NAALADL2: variants seen among roughly 807,000 people sequenced by gnomAD.
NAALADL2 encodes inactive N-acetylated-alpha-linked acidic dipeptidase-like protein 2.
In NAALADL2, 76 loss-of-function variants were observed where a neutral mutation model predicts 87.2. The ratio of observed to expected loss-of-function variants is 0.87; its 90% confidence interval spans 0.72 to 1.05. NAALADL2 has a LOEUF of 1.05. Ranked by LOEUF, NAALADL2 falls within the 50% of genes least tolerant of loss-of-function variation. The pLI is 0.00. For missense variants in NAALADL2, 1,089 were observed against 945.8 expected (o/e 1.15, Z -1.99); for synonymous variants, 354 against 331.0 (o/e 1.07, Z -0.75).
At chr3:175,751,177 T>C (rs1026286795) in intron 12 of NAALADL2, among the ~76,000 whole-genome samples, 7 of 152,172 alleles carry the variant, frequency 4.6e-5, no homozygotes, top group Non-Finnish European at 8.8e-5. Flanking sequence ...TCTAAAAGAA[T>C]CCTTTTTAAA....
chr3:175,302,567 GA>G (rs1757214386), intron 4 of NAALADL2, among the ~76,000 whole-genome samples: 1 of 151,986 alleles, frequency 6.6e-6, no homozygotes, highest in African/African-American at 2.4e-5. Context: ...AGACATTCTG[GA>G]AAGGTAAAGA....
At chr3:175,735,262 C>G (rs1272696301) in intron 11 of NAALADL2, among the ~76,000 whole-genome samples, 4 of 152,194 alleles carry the variant, frequency 2.6e-5, no homozygotes, top group African/African-American at 9.7e-5. Context: ...TTCATTTTCT[C>G]TATAATTGTC....
chr3:175,565,984 T>C (rs1333399197), intron 9 of NAALADL2, among the ~76,000 whole-genome samples: 4 of 151,876 alleles, frequency 2.6e-5, no homozygotes, highest in Non-Finnish European at 4.4e-5. Context: ...TGCATGCCAC[T>C]ACACCCAGCT....
chr3:174,840,729 C>G (rs886635514), intron 3 of NAALADL2, among the ~76,000 whole-genome samples: 3 of 152,080 alleles, frequency 2.0e-5, no homozygotes, highest in Middle Eastern at 3.2e-3. Context: ...GTTTATGTCT[C>G]TTTCTTCATT....
intron 1 of NAALADL2, among the ~76,000 whole-genome samples, chr3:175,004,525 CATT>C (rs1748743767): frequency 6.6e-6 from 1 of 150,448 alleles, no homozygotes; most frequent in African/African-American, 2.5e-5. Flanking sequence ...ACCTCAAACA[CATT>C]ATTTTTTCTT....
intron 9 of NAALADL2, among the ~76,000 whole-genome samples, chr3:175,560,696 A>C (rs1716126989): frequency 6.6e-6 from 1 of 152,060 alleles, no homozygotes; most frequent in Non-Finnish European, 1.5e-5. Flanking sequence ...ATTTCAGCTC[A>C]CTGCAACCTC....
intron 13 of NAALADL2, chr3:175,773,277 C>A (rs894990487): frequency 6.6e-6 from 1 of 152,030 alleles, no homozygotes; most frequent in Non-Finnish European, 1.5e-5. Context: ...GCCTCTATGA[C>A]AAAATAACTA....
At chr3:174,483,441 C>A (rs1717681957) in intron 1 of NAALADL2, among the ~76,000 whole-genome samples, 1 of 151,930 alleles carries the variant, frequency 6.6e-6, no homozygotes, top group South Asian at 2.1e-4. Context: ...GGAAACCACT[C>A]CCAGGATTCA....
intron 2 of NAALADL2, among the ~76,000 whole-genome samples, chr3:175,167,957 A>G (rs1734229331): frequency 1.3e-5 from 2 of 152,138 alleles, no homozygotes; most frequent in East Asian, 1.9e-4. Context: ...TGACTCATGT[A>G]TTAATGACCC....
intron 1 of NAALADL2, among the ~76,000 whole-genome samples, chr3:174,907,221 C>T (rs1357614315): frequency 6.7e-6 from 1 of 150,174 alleles, no homozygotes; most frequent in Non-Finnish European, 1.5e-5. Context: ...CTTAAATATT[C>T]TGGAGATCAG....
At chr3:175,438,072 A>G (rs1719042121) in intron 5 of NAALADL2, among the ~76,000 whole-genome samples, 3 of 152,104 alleles carry the variant, frequency 2.0e-5, no homozygotes, top group Admixed American at 2.0e-4. Flanking sequence ...TTTTAGGCTT[A>G]CAATTAGACA....
At chr3:175,308,743 G>A (rs918666057) in intron 4 of NAALADL2, among the ~76,000 whole-genome samples, 1 of 152,166 alleles carries the variant, frequency 6.6e-6, no homozygotes, top group South Asian at 2.1e-4. Context: ...TGATGGGTTT[G>A]TACTGTTAAA....
chr3:175,130,590 T>A (rs187625040), intron 2 of NAALADL2, among the ~76,000 whole-genome samples: 2 of 152,222 alleles, frequency 1.3e-5, no homozygotes, highest in Non-Finnish European at 2.9e-5. Context: ...ATACCATATA[T>A]TGAAGAAACT....
At chr3:175,192,965 T>C (rs1268659632) in intron 2 of NAALADL2, among the ~76,000 whole-genome samples, 1 of 151,926 alleles carries the variant, frequency 6.6e-6, no homozygotes, top group Non-Finnish European at 1.5e-5. Context: ...CTTTTTTTTT[T>C]CAGATACAAA....
intron 2 of NAALADL2, among the ~76,000 whole-genome samples, chr3:174,621,832 G>A (rs1721036700): frequency 6.6e-6 from 1 of 152,124 alleles, no homozygotes; most frequent in Non-Finnish European, 1.5e-5. Context: ...TCACTAATTA[G>A]ATGTAAAAAA....
intron 1 of NAALADL2, among the ~76,000 whole-genome samples, chr3:174,490,617 C>T (rs1718127161): frequency 2.0e-5 from 3 of 151,862 alleles, no homozygotes; most frequent in Admixed American, 2.0e-4. Context: ...TAAATGAAAG[C>T]GGCAGTGTAT....
At chr3:174,922,954 C>A (rs9881010) in intron 1 of NAALADL2, among the ~76,000 whole-genome samples, 10 of 151,900 alleles carry the variant, frequency 6.6e-5, no homozygotes, top group Admixed American at 1.3e-4. Flanking sequence ...TTTTAAAGTT[C>A]TTATCTTTCC....
chr3:175,242,889 T>C (rs1170261962), intron 3 of NAALADL2, among the ~76,000 whole-genome samples: 4 of 152,166 alleles, frequency 2.6e-5, no homozygotes, highest in Admixed American at 6.5e-5. Context: ...ATATCTAAGC[T>C]CTAGTTTCCT....
intron 2 of NAALADL2, among the ~76,000 whole-genome samples, chr3:174,599,602 A>T (rs914230690): frequency 6.6e-6 from 1 of 152,200 alleles, no homozygotes; most frequent in Non-Finnish European, 1.5e-5. Flanking sequence ...CATTAGAAAT[A>T]CTGATACCTG....
Sources: allele counts gnomAD v4.1 joint callset (sites outside exome capture counted in the v4.1 genomes callset), GRCh38; gene constraint gnomAD v4.1.1; transcripts MANE v1.5; gene names NCBI Gene and HGNC (gene_info 2026-07-23, HGNC 2026-07-21).